Variants in USP6 observed in about 807,000 individuals in gnomAD.
The protein encoded by USP6 is ubiquitin carboxyl-terminal hydrolase 6.
In USP6, 128 loss-of-function variants were observed where a neutral mutation model predicts 175.7. The ratio of observed to expected loss-of-function variants is 0.73; its 90% CI spans 0.63 to 0.84. The LOEUF is 0.84. Among genes scored for constraint, USP6 ranks in the 40% least tolerant of loss-of-function variants. USP6 has a pLI of 0.00. For synonymous variants in USP6, 562 were observed against 630.6 expected, an observed-to-expected ratio of 0.89 and a Z score of 1.63; for missense variants, 1,498 against 1,760.3, an observed-to-expected ratio of 0.85 and a Z score of 2.67.
intron 11 of USP6, among the ~76,000 whole-genome samples, chr17:5,131,487 G>A (rs1388532909): frequency 1.4e-5 from 2 of 146,368 alleles, no homozygotes; most frequent in African/African-American, 5.1e-5. Flanking sequence ...CCAGCCTCAG[G>A]GCTGTTGTCC....
Position 5,139,639 on chromosome 17 carries a change from T to A in USP6, c.1463T>A (p.Leu488Gln). Reference sequence around the variant, plus strand: ...CGTGCCATATCCCAGGAGGACCAGCTGGCCACCTGCTGGCAGGCTGAACAC... The same window carrying A: ...CGTGCCATATCCCAGGAGGACCAGCAGGCCACCTGCTGGCAGGCTGAACAC... Reference protein sequence around the residue: ...WVRAISQEDQLATCWQAEHCG... With the variant: ...WVRAISQEDQQATCWQAEHCG... Residue 488 changes from leucine (L) to glutamine (Q), a missense_variant, in exon 22 of 38, where the codon CTG (leucine) becomes CAG (glutamine). Physicochemically the swap from Leu to Gln is moderately radical, Grantham distance 113. This residue lies in a region of USP6 where 1,217 missense variants were observed against 1,500.8 expected (regional missense o/e 0.81). Transcript: ENST00000574788. 2 of 1,612,434 alleles carry A rather than the reference T, an allele frequency of 1.2e-6. No homozygotes were observed. Among genetic ancestry groups the A allele is most frequent in the Non-Finnish European group, 1.7e-6 (2 of 1,180,004 alleles).
chr17:5,172,873 C>T lies in USP6; in HGVS notation c.4116C>T (p.Asp1372=). The T allele has an allele frequency of 1.2e-6, 2 of 1,613,978 alleles. No homozygotes were observed. The highest frequency in any genetic ancestry group is 1.7e-6 in the Non-Finnish European group (2 of 1,179,872). Residue 1372 remains aspartate, a synonymous_variant, in exon 38 of 38, where the codon GAC becomes GAT. Transcript: ENST00000574788. ...TTTTCTATGAGCAGCAGGGGATAGA[C>T]TACGCACAATTTCTGCCAAAGATTG... ...YILFYEQQGI[D]YAQFLPKIDG...
At position 5,138,988 on chromosome 17, in the gene USP6, C is replaced by T. The variant is rs566754108; in HGVS notation, c.1079-267C>T. The T allele has an allele frequency of 3.8e-5, 58 of 1,507,308 alleles. 1 individual carries two copies. The Middle Eastern group carries it at 1.1e-3, about 28-fold the overall frequency. The allele number at this position is 1,507,308 out of a possible 1,614,324, so 93.4% of individuals were successfully genotyped here. On this transcript the variant is annotated intron_variant, in intron 21 of 37. Transcript: ENST00000574788. ...TATCCCAGGCCCAACAGCCCTGGGACGAAGGTGTGTGGCAGGAAGCCCCCA... is the reference window on the plus strand; with the variant it reads ...TATCCCAGGCCCAACAGCCCTGGGATGAAGGTGTGTGGCAGGAAGCCCCCA...
At chr17:5,158,890 G>A (rs769216427) in intron 31 of USP6, among the ~76,000 whole-genome samples, 15 of 152,140 alleles carry the variant, frequency 9.9e-5, no homozygotes, top group South Asian at 2.1e-4. Flanking sequence ...TCCTTTGGAC[G>A]TTAAGAAAGG....
At chr17:5,143,881 G>A (rs936949163) in intron 25 of USP6, among the ~76,000 whole-genome samples, 6 of 151,910 alleles carry the variant, frequency 3.9e-5, no homozygotes, top group Non-Finnish European at 8.8e-5. Context: ...AGCCAAGATC[G>A]CACCACTGCA....
intron 37 of USP6, among the ~76,000 whole-genome samples, chr17:5,172,400 A>G (rs1288884952): frequency 1.7e-4 from 24 of 143,418 alleles, no homozygotes; most frequent in East Asian, 1.3e-3. Flanking sequence ...ATGTGGTGGC[A>G]CATGCCTGTA....
chr17:5,155,468 G>C lies in USP6; in HGVS notation c.2690G>C (p.Ser897Thr). ...CTGTCACCTCAGGAGAATCGCCCCA[G>C]CCTCTTTGGAATGCCATTGATTGTT... ...YFLSPQENRP[S>T]LFGMPLIVPC... The change falls in exon 31 of 38, where the codon AGC (serine) becomes ACC (threonine). Residue 897 changes from serine to threonine, a missense_variant. By Grantham distance (58) the Ser-to-Thr change is moderately conservative. This residue lies in a region of USP6 where 1,217 missense variants were observed against 1,500.8 expected (regional missense o/e 0.81). Transcript: ENST00000574788. The C allele has an allele frequency of 1.2e-6, 2 of 1,614,052 alleles. No homozygotes were observed. The highest frequency in any genetic ancestry group is 2.7e-5 in the African/African-American group (2 of 75,042).
chr17:5,117,816 C>T (rs1184851949), intron 1 of USP6, among the ~76,000 whole-genome samples: 5 of 151,734 alleles, frequency 3.3e-5, no homozygotes, highest in Admixed American at 1.3e-4. Context: ...CAAGTGAGGC[C>T]GGGTGGGGTG....
In USP6 at chr17:5,138,210, C is replaced by T; in HGVS notation, c.1015C>T (p.Leu339Phe). The T allele has an allele frequency of 6.2e-7, 1 of 1,614,104 alleles. No homozygotes were observed. The highest frequency in any genetic ancestry group is 8.5e-7 in the Non-Finnish European group (1 of 1,180,000). Residue 339 changes from leucine (L) to phenylalanine (F), a missense_variant, in exon 21 of 38, where the codon CTC becomes TTC. Physicochemically the swap from Leu to Phe is conservative, Grantham distance 22. Around this residue, in one of 2 missense-constraint regions of USP6, gnomAD observed 1,217 missense variants for 1,500.8 expected, o/e 0.81. Coordinates refer to ENST00000574788, the MANE Select transcript of USP6 (RefSeq NM_001304284.2). ...DTWAMNDDTV[L>F]KHLRASTKKL... ...CTGGGCCATGAACGATGACACCGTG[C>T]TCAAGCATCTTAGGGCCTCTACGAA...
At chr17:5,172,136 C>T (rs1408433095) in intron 37 of USP6, among the ~76,000 whole-genome samples, 5 of 143,982 alleles carry the variant, frequency 3.5e-5, no homozygotes, top group Non-Finnish European at 4.6e-5. Context: ...GACTGCACCA[C>T]TGCACTCCAG....
chr17:5,127,829 C>A (rs1348179346), intron 7 of USP6, among the ~76,000 whole-genome samples, 190 bp downstream of exon 7: 1 of 152,194 alleles, frequency 6.6e-6, no homozygotes, highest in Admixed American at 6.5e-5. Flanking sequence ...AATGCAGATG[C>A]TATATAAATG....
At chr17:5,143,582 T>A (rs2073517668) in intron 25 of USP6, among the ~76,000 whole-genome samples, 1 of 151,378 alleles carries the variant, frequency 6.6e-6, no homozygotes, top group Non-Finnish European at 1.5e-5. Context: ...TCATCACCAC[T>A]CCCTAATCTC....
Position 5,135,287 on chromosome 17 carries a change from G to C in USP6, c.543+5G>C. On this transcript the variant is annotated splice_donor_5th_base_variant and intron_variant, in intron 16 of 37. Coordinates refer to ENST00000574788, the MANE Select transcript of USP6 (RefSeq NM_001304284.2). ...GCCTATTCGGAGTATAACCCGGTGA[G>C]TATTCCCGGCAGTGAGGTTCCCAGG... 1.2e-6 allele frequency: 2 copies of C among 1,612,686 alleles called. No individual in the cohort carries two copies. Among genetic ancestry groups the C allele is most frequent in the Non-Finnish European group, 1.7e-6 (2 of 1,178,978 alleles).
At chr17:5,151,670 A>G (rs2073777041) in intron 30 of USP6, among the ~76,000 whole-genome samples, 1 of 152,222 alleles carries the variant, frequency 6.6e-6, no homozygotes, top group Non-Finnish European at 1.5e-5. Context: ...CTGGGATAGA[A>G]TAGAGAGCCC....
chr17:5,125,525 A>G (rs2072856793), intron 5 of USP6, among the ~76,000 whole-genome samples: 2 of 152,176 alleles, frequency 1.3e-5, no homozygotes, highest in South Asian at 4.1e-4. Context: ...AAATGCTAAT[A>G]AAAATGGGTG....
At chr17:5,138,392 C>T in intron 21 of USP6, 119 bp downstream of exon 21, 1 of 1,546,198 alleles carries the variant, frequency 6.5e-7, no homozygotes, top group Non-Finnish European at 8.7e-7. Context: ...TCTTCCTCCT[C>T]TTCCTCCTGG....
chr17:5,117,726 G>A (rs1208617113), intron 1 of USP6, among the ~76,000 whole-genome samples: 1 of 152,090 alleles, frequency 6.6e-6, no homozygotes, highest in Admixed American at 6.5e-5. Flanking sequence ...TTGGAATCAG[G>A]GAGGCATGTT....
rs147906150 is a variant in USP6, at chr17:5,170,853, A to G, written c.3892A>G (p.Ser1298Gly). The G allele has an allele frequency of 1.6e-5, 26 of 1,612,778 alleles. No homozygotes were observed. The highest frequency in any genetic ancestry group is 2.0e-5 in the Non-Finnish European group (24 of 1,179,872). Residue 1298 changes from serine to glycine, a missense_variant, in exon 36 of 38, where the codon AGC (serine) becomes GGC (glycine). Transcript: ENST00000574788. ...GCTTGGAAACCACAGTGAAGAAGAC[A>G]GCACTGATGACCAAAGAGAAGACAC... The part of the protein sequence containing the change: ...GQLGNHSEED[S>G]TDDQREDTHI...
At chr17:5,134,285 C>A in intron 15 of USP6, 1 of 397,958 alleles carries the variant, frequency 2.5e-6, no homozygotes, top group South Asian at 2.6e-5. Flanking sequence ...CACGGAGACC[C>A]ATGGTAGGAC....
Sources: allele counts gnomAD v4.1 joint callset (sites outside exome capture counted in the v4.1 genomes callset), GRCh38; gene constraint gnomAD v4.1.1; regional missense constraint gnomAD v4.1.1; transcripts MANE v1.5; gene names NCBI Gene and HGNC (gene_info 2026-07-23, HGNC 2026-07-21).